Variants in ADCY3 observed in about 807,000 individuals in gnomAD.
ADCY3 encodes adenylate cyclase type 3.
ADCY3 carries 70 observed loss-of-function variants against 119.4 expected under a neutral mutation model. That is an observed-to-expected ratio of 0.59 (90% CI 0.48 to 0.72). ADCY3 has a LOEUF of 0.72. ADCY3 is among the 30% of genes least tolerant of loss of function. The pLI is 0.00. For synonymous variants in ADCY3, 672 were observed against 621.4 expected (o/e 1.08, Z -1.21); for missense variants, 1,238 against 1,541.6 (o/e 0.80, Z 3.30).
chr2:24,847,686 C>T lies in ADCY3; in HGVS notation c.826-5302G>A, dbSNP rs1671807830. ...GTGCTGGGTGGGACAGGACCCGTCT[C>T]GGAACCTAACTAACCAGACATTGTG... On this transcript the variant is annotated intron_variant, in intron 3 of 21. Transcript: ENST00000679454. 3.3e-5 allele frequency among the ~76,000 whole-genome samples: 5 copies of T among 152,192 alleles called. No homozygotes were observed. In the South Asian group the frequency reaches 8.3e-4, roughly 25 times the overall value.
At chr2:24,831,402 G>A (rs1256949686) in intron 12 of ADCY3, among the ~76,000 whole-genome samples, 6 of 152,098 alleles carry the variant, frequency 3.9e-5, no homozygotes, top group African/African-American at 1.4e-4. Flanking sequence ...GTACTCATAC[G>A]TGCTGCAGCG....
chr2:24,871,395 A>G (rs1674992204), intron 3 of ADCY3, among the ~76,000 whole-genome samples: 1 of 152,222 alleles, frequency 6.6e-6, no homozygotes, highest in Non-Finnish European at 1.5e-5. Context: ...GCAGCCAGGG[A>G]AAATCCCCTC....
At chr2:24,845,888 G>A (rs1158675322) in intron 3 of ADCY3, among the ~76,000 whole-genome samples, 2 of 152,328 alleles carry the variant, frequency 1.3e-5, no homozygotes, top group South Asian at 4.1e-4. Flanking sequence ...TGTCCCAGCC[G>A]CTCCAGCCGT....
intron 2 of ADCY3, among the ~76,000 whole-genome samples, chr2:24,897,923 T>C (rs1259950047): frequency 6.6e-6 from 1 of 152,188 alleles, no homozygotes; most frequent in Admixed American, 6.5e-5. Flanking sequence ...GCCAGAATCA[T>C]CTTCCTGAAA....
chr2:24,866,170 C>T (rs868292637), intron 3 of ADCY3, among the ~76,000 whole-genome samples: 2 of 152,176 alleles, frequency 1.3e-5, no homozygotes, highest in Admixed American at 1.3e-4. Context: ...GAGAAAAGCA[C>T]CAGCCTTTCA....
intron 3 of ADCY3, among the ~76,000 whole-genome samples, chr2:24,846,338 AGAGCTGCCCGAGACTAT>A (rs1671648673): frequency 2.6e-5 from 4 of 152,244 alleles, no homozygotes; most frequent in Non-Finnish European, 5.9e-5. Flanking sequence ...CCCCAGGGGC[AGAGCTGCCCGAGACTAT>A]GGGAACCTGC....
chr2:24,888,381 G>A (rs767766043), intron 2 of ADCY3, among the ~76,000 whole-genome samples: 2 of 152,166 alleles, frequency 1.3e-5, no homozygotes, highest in Non-Finnish European at 2.9e-5. Context: ...TCTCATTATC[G>A]GGAAGACCCT....
At chr2:24,894,104 G>A (rs1677990171) in intron 2 of ADCY3, among the ~76,000 whole-genome samples, 3 of 151,946 alleles carry the variant, frequency 2.0e-5, no homozygotes, top group Non-Finnish European at 4.4e-5. Context: ...ATATCTCTTT[G>A]TTACGCTTTT....
At chr2:24,860,209 C>T (rs762280890) in intron 3 of ADCY3, among the ~76,000 whole-genome samples, 2 of 152,214 alleles carry the variant, frequency 1.3e-5, no homozygotes, top group Non-Finnish European at 2.9e-5. Context: ...CTGGGTGCCG[C>T]CTGTTGCCAG....
At position 24,829,635 on chromosome 2, in the gene ADCY3, G is replaced by T. The variant is rs1418853657; in HGVS notation, c.2172+1074C>A. Reference sequence around the variant, plus strand: ...ACGGGGTTTCAACTGTGTTAGCCAGGATGATTTCGATCTCCTGACCTCGTG... The same window carrying T: ...ACGGGGTTTCAACTGTGTTAGCCAGTATGATTTCGATCTCCTGACCTCGTG... On this transcript the variant is annotated intron_variant, in intron 13 of 21. Transcript: ENST00000679454. Among the ~76,000 whole-genome samples, 4 of 151,088 alleles carry T rather than the reference G, an allele frequency of 2.6e-5. No homozygotes were observed. In the East Asian group the frequency reaches 7.9e-4, roughly 30 times the overall value.
At chr2:24,900,869 A>G (rs569254334) in intron 2 of ADCY3, among the ~76,000 whole-genome samples, 2 of 152,326 alleles carry the variant, frequency 1.3e-5, no homozygotes, top group East Asian at 3.9e-4. Flanking sequence ...GTTCAAGACC[A>G]GCCTGGCCAA....
chr2:24,844,141 G>A (rs1671391814), intron 3 of ADCY3, among the ~76,000 whole-genome samples: 1 of 152,206 alleles, frequency 6.6e-6, no homozygotes, highest in Non-Finnish European at 1.5e-5. Flanking sequence ...GGAACCGGAA[G>A]GCAGAGATGT....
chr2:24,823,772 A>T (rs984004437), intron 17 of ADCY3, among the ~76,000 whole-genome samples: 1 of 151,166 alleles, frequency 6.6e-6, no homozygotes, highest in African/African-American at 2.4e-5. Context: ...GCTCACTGCA[A>T]CCTCCACCTC....
chr2:24,883,356 TAAAA>T (rs34488542), intron 2 of ADCY3, among the ~76,000 whole-genome samples: 1 of 150,658 alleles, frequency 6.6e-6, no homozygotes, highest in African/African-American at 2.4e-5. Context: ...TCAAAAAAAA[TAAAA>T]AAAAGAAGCT....
Position 24,841,558 on chromosome 2 carries a change from C to A in ADCY3, c.1066G>T (p.Ala356Ser), listed in dbSNP as rs1275930685. 1.2e-6 allele frequency: 2 copies of A among 1,612,212 alleles called. No individual in the cohort carries two copies. The highest frequency in any genetic ancestry group is 1.7e-5 in the Admixed American group (1 of 59,902). ...GCCAGGCGGGGCCAGGGACTTACAG[C>A]TGCCAGCTTGTCAAAGCGGGCAAAG... ...ELFARFDKLA[A>S]KYHQLRIKIL... Residue 356 changes from alanine (A) to serine (S), a missense_variant and splice_region_variant, in exon 5 of 22, where the codon GCT (alanine) becomes TCT (serine). Physicochemically the swap from Ala to Ser is moderately conservative, Grantham distance 99 (BLOSUM62 1). This residue lies in a region of ADCY3 where 283 missense variants were observed against 437.2 expected (regional missense o/e 0.65). Transcript: ENST00000679454. This position sits in a 1 kb window ranked among gnomAD's most constrained non-coding sequence, Gnocchi z 5.8.
intron 13 of ADCY3, among the ~76,000 whole-genome samples, chr2:24,830,477 C>G (rs572939574): frequency 1.3e-5 from 2 of 152,300 alleles, no homozygotes; most frequent in South Asian, 4.1e-4. Flanking sequence ...ACTGTGCTCT[C>G]GGACTCTGGG....
chr2:24,918,587 AC>A lies in ADCY3; in HGVS notation c.400del (p.Val134SerfsTer14). The A allele has an allele frequency of 6.2e-7, 1 of 1,614,084 alleles. No homozygotes were observed. The highest frequency in any genetic ancestry group is 8.5e-7 in the Non-Finnish European group (1 of 1,180,026). ...CACGTAGGGCAGCACTCTGCGGGTG[AC>A]CCGGTCCGGGAGCAGCCCCTTTTTG... ...LCKKGLLPDR[V>X]TRRVLPYVLW... On this transcript the variant is annotated frameshift_variant, in exon 2 of 22. Transcript: ENST00000679454. LOFTEE classifies it high-confidence loss of function. This position sits in a 1 kb window ranked among gnomAD's most constrained non-coding sequence, Gnocchi z 5.4.
In ADCY3 at chr2:24,821,625, T is replaced by C. The variant is rs765798956; in HGVS notation, c.3019A>G (p.Arg1007Gly). ...TCAGCCAGGTGCTGCCAGCGCTCTCTCTCGGACTTGTCTTCCTGTGCCAGG... is the reference window on the plus strand; with the variant it reads ...TCAGCCAGGTGCTGCCAGCGCTCTCCCTCGGACTTGTCTTCCTGTGCCAGG... ...ASSNKEDKSE[R>G]ERWQHLADLA... Residue 1007 changes from arginine (R) to glycine (G), a missense_variant, in exon 20 of 22, where the codon AGA becomes GGA. Arg to Gly is a moderately radical substitution (Grantham distance 125). Around this residue, in one of 7 missense-constraint regions of ADCY3, gnomAD observed 63 missense variants for 62.8 expected, o/e 1.00. Transcript: ENST00000679454. The C allele has an allele frequency of 6.2e-7, 1 of 1,614,072 alleles. No individual in the cohort carries two copies. The highest frequency in any genetic ancestry group is 8.5e-7 in the Non-Finnish European group (1 of 1,180,000).
intron 2 of ADCY3, among the ~76,000 whole-genome samples, chr2:24,913,343 G>A (rs1017010126): frequency 2.6e-5 from 4 of 152,200 alleles, no homozygotes; most frequent in Non-Finnish European, 5.9e-5. Flanking sequence ...ATTCCCATGG[G>A]GAGAAGGGGG....
Sources: gnomAD v4.1 joint callset for allele counts (sites outside exome capture counted in the v4.1 genomes callset) on GRCh38, gnomAD v4.1.1 for gene constraint, gnomAD v4.1.1 regional missense constraint, Gnocchi (gnomAD v3.1) non-coding constraint, MANE v1.5 for transcripts, NCBI Gene and HGNC (gene_info 2026-07-23, HGNC 2026-07-21) for gene names.